The following SLC16A1 variants were observed in gnomAD, a reference collection of about 807,000 sequenced individuals.
SLC16A1 encodes the protein solute carrier family 16 member 1, also known as monocarboxylate transporter 1.
In SLC16A1, 11 loss-of-function variants were observed where a neutral mutation model predicts 32.2. The observed-to-expected ratio is 0.34, with a 90% CI of 0.21 to 0.56. The LOEUF (loss-of-function observed/expected upper bound fraction) is 0.56. SLC16A1 is among the 20% of genes least tolerant of loss of function. The pLI is 0.87. For missense variants in SLC16A1, 435 were observed against 615.0 expected (o/e 0.71, Z 3.10); for synonymous variants, 231 against 226.8 (o/e 1.02, Z -0.17).
intron 4 of SLC16A1, among the ~76,000 whole-genome samples, chr1:112,914,551 T>C (rs981479006): frequency 6.6e-6 from 1 of 152,216 alleles, no homozygotes; most frequent in African/African-American, 2.4e-5. Context: ...ATGCTCTTTC[T>C]CTCTCAGCAT....
chr1:112,915,716 G>C (rs1648479969), intron 4 of SLC16A1, among the ~76,000 whole-genome samples: 1 of 152,142 alleles, frequency 6.6e-6, no homozygotes, highest in South Asian at 2.1e-4. Flanking sequence ...GGGCAGATGA[G>C]AACAAGATTT....
intron 2 of SLC16A1, chr1:112,924,057 TG>T: frequency 7.7e-7 from 1 of 1,296,282 alleles, no homozygotes; most frequent in Non-Finnish European, 1.1e-6. Context: ...GAATCGCTTC[TG>T]GAAGAAGCAC....
chr1:112,923,574 A>C (rs1648818994), intron 2 of SLC16A1: 1 of 1,327,956 alleles, frequency 7.5e-7, no homozygotes. Context: ...GAAAATTGAT[A>C]CCAAGGCCAA....
chr1:112,946,572 G>C (rs1329798688), intron 1 of SLC16A1, among the ~76,000 whole-genome samples: 1 of 152,150 alleles, frequency 6.6e-6, no homozygotes, highest in African/African-American at 2.4e-5. Context: ...TGTTTTTCTT[G>C]AGAGGGAGTC....
At chr1:112,948,992 G>A (rs1004606808) in intron 1 of SLC16A1, among the ~76,000 whole-genome samples, 14 of 151,880 alleles carry the variant, frequency 9.2e-5, no homozygotes, top group African/African-American at 3.4e-4. Flanking sequence ...CACCATGCCC[G>A]GTTAATTTTT....
intron 1 of SLC16A1, among the ~76,000 whole-genome samples, chr1:112,944,222 G>A (rs915394269): frequency 3.9e-5 from 6 of 152,084 alleles, no homozygotes; most frequent in African/African-American, 1.2e-4. Context: ...AGGCAGAGGC[G>A]GGAGGATCAC....
rs746919311 is a variant in SLC16A1 at position 112,929,076 on chromosome 1, C to T, written c.217+16G>A. On this transcript the variant is annotated intron_variant, in intron 2 of 4. Transcript: ENST00000369626. ...CTTCATGAAAATTAAAAGAGCAGGC[C>T]TTAATGGGTACTTACCTCCACCATA... 1 of 1,594,622 alleles carries T rather than the reference C, an allele frequency of 6.3e-7. No individual in the cohort carries two copies. Among genetic ancestry groups the T allele is most frequent in the Middle Eastern group, 1.7e-4 (1 of 6,032 alleles).
chr1:112,932,373 T>A (rs1649162132), intron 1 of SLC16A1, among the ~76,000 whole-genome samples: 1 of 151,988 alleles, frequency 6.6e-6, no homozygotes, highest in Non-Finnish European at 1.5e-5. Flanking sequence ...TACCTCTACA[T>A]AAATTGTTTA....
chr1:112,953,393 C>T (rs1306829491), intron 1 of SLC16A1, among the ~76,000 whole-genome samples: 1 of 152,150 alleles, frequency 6.6e-6, no homozygotes, highest in African/African-American at 2.4e-5. Context: ...GAACTCCTGA[C>T]CTCAAGTGAT....
chr1:112,921,785 G>A (rs543409088), intron 3 of SLC16A1, among the ~76,000 whole-genome samples: 35 of 152,174 alleles, frequency 2.3e-4, no homozygotes, highest in South Asian at 2.1e-3. Context: ...TCACTCATTC[G>A]ACAAACAATA....
At chr1:112,931,720 T>C (rs756222134) in intron 1 of SLC16A1, among the ~76,000 whole-genome samples, 1 of 149,952 alleles carries the variant, frequency 6.7e-6, no homozygotes, top group Non-Finnish European at 1.5e-5. Flanking sequence ...TTAGTACTAA[T>C]GAATAATGAA....
intron 1 of SLC16A1, among the ~76,000 whole-genome samples, chr1:112,946,929 TG>T (rs1649722248): frequency 6.6e-6 from 1 of 152,130 alleles, no homozygotes; most frequent in Non-Finnish European, 1.5e-5. Flanking sequence ...CCTTTTTTAA[TG>T]CTTCATTTTT....
chr1:112,942,365 T>C (rs1245681740), intron 1 of SLC16A1, among the ~76,000 whole-genome samples: 1 of 152,244 alleles, frequency 6.6e-6, no homozygotes, highest in East Asian at 1.9e-4. Context: ...GCTTCAATGC[T>C]GAAATTTTTT....
At position 112,917,846 on chromosome 1, in the gene SLC16A1, T is replaced by C; in HGVS notation, c.560A>G (p.Asn187Ser). Reference sequence around the variant, plus strand: ...CATGAGGGCTCCAGCAACACAGCAGTTTAGTAGCAAGCCCCCAAGAATTAG... The same window carrying C: ...CATGAGGGCTCCAGCAACACAGCAGCTTAGTAGCAAGCCCCCAAGAATTAG... Reference protein sequence around the residue: ...SFLILGGLLLNCCVAGALMRP... With the variant: ...SFLILGGLLLSCCVAGALMRP... The change falls in exon 4 of 5, where the codon AAC (asparagine) becomes AGC (serine). Residue 187 changes from asparagine to serine, a missense_variant. Around this residue, in one of 2 missense-constraint regions of SLC16A1, gnomAD observed 324 missense variants for 500.3 expected, o/e 0.65. Coordinates refer to ENST00000369626, the MANE Select transcript of SLC16A1 (RefSeq NM_003051.4). The surrounding 1 kb of genome is among the most constrained non-coding windows in gnomAD (Gnocchi z 4.1). The C allele has an allele frequency of 3.1e-6, 5 of 1,613,474 alleles. No individual in the cohort carries two copies. Among genetic ancestry groups the C allele is most frequent in the Non-Finnish European group, 4.2e-6 (5 of 1,179,772 alleles).
At position 112,913,382 on chromosome 1, in the gene SLC16A1, G is replaced by A. The variant is rs1648388751; in HGVS notation, c.*509C>T. ...AGGAAAATATTTTTGTCAGCATTTT[G>A]TAAAATCTCTAACTTTCAACCAATA... is the stretch of plus-strand genomic sequence containing the variant. On this transcript the variant is annotated 3_prime_UTR_variant, in exon 5 of 5. Coordinates refer to ENST00000369626, the MANE Select transcript of SLC16A1 (RefSeq NM_003051.4). The A allele has an allele frequency of 6.3e-6, 1 of 158,834 alleles. No homozygotes were observed. Among genetic ancestry groups the A allele is most frequent in the African/African-American group, 2.4e-5 (1 of 41,448 alleles). The allele number at this position is 158,834 out of a possible 1,614,324, so 9.8% of individuals were successfully genotyped here.
intron 4 of SLC16A1, 132 bp from the exon 5 acceptor site, chr1:112,914,297 TA>T: frequency 1.1e-6 from 1 of 925,654 alleles, no homozygotes; most frequent in Non-Finnish European, 1.7e-6. Context: ...GATGAATTAG[TA>T]TAAGGAATTG....
Position 112,913,819 on chromosome 1 carries a change from T to C in SLC16A1, c.*72A>G. The C allele has an allele frequency of 6.4e-7, 1 of 1,561,890 alleles. No individual in the cohort carries two copies. The highest frequency in any genetic ancestry group is 8.8e-7 in the Non-Finnish European group (1 of 1,133,858). On this transcript the variant is annotated 3_prime_UTR_variant, in exon 5 of 5. Coordinates refer to ENST00000369626, the MANE Select transcript of SLC16A1 (RefSeq NM_003051.4). Reference sequence around the variant, plus strand: ...ATTTGCATTGAGCACCACTGGTAGATTACAGGCCAGTAGAATATTTTCAGA... The same window carrying C: ...ATTTGCATTGAGCACCACTGGTAGACTACAGGCCAGTAGAATATTTTCAGA...
chr1:112,915,967 G>A (rs1236677304), intron 4 of SLC16A1, among the ~76,000 whole-genome samples: 1 of 152,140 alleles, frequency 6.6e-6, no homozygotes, highest in Non-Finnish European at 1.5e-5. Context: ...TTCCCAAGTT[G>A]TAATTAATTT....
At chr1:112,923,734 AC>A in intron 2 of SLC16A1, 1 of 1,532,148 alleles carries the variant, frequency 6.5e-7, no homozygotes, top group Non-Finnish European at 9.0e-7. Flanking sequence ...AGTGCCTGCC[AC>A]CAGCTGCACC....
Sources: allele counts gnomAD v4.1 joint callset (sites outside exome capture counted in the v4.1 genomes callset), GRCh38; gene constraint gnomAD v4.1.1; regional missense constraint gnomAD v4.1.1; non-coding constraint Gnocchi (gnomAD v3.1); transcripts MANE v1.5; gene names NCBI Gene and HGNC (gene_info 2026-07-23, HGNC 2026-07-21).